TRAM2: variants seen among roughly 807,000 people sequenced by gnomAD.
TRAM2 encodes the protein translocating chain-associated membrane protein 2.
Under a neutral mutation model 51.0 loss-of-function variants are expected in TRAM2, and 12 were observed. The observed-to-expected ratio is 0.24, with a 90% confidence interval of 0.15 to 0.38. TRAM2 has a LOEUF of 0.38. Among genes scored for constraint, TRAM2 ranks in the 10% least tolerant of loss-of-function variants. The probability of loss-of-function intolerance (pLI) is 1.00; values close to 1 mark genes in which losing one functional copy is unlikely to be tolerated. For missense variants in TRAM2, 361 were observed against 462.0 expected, an observed-to-expected ratio of 0.78 and a Z score of 2.00; for synonymous variants, 175 against 179.4, an observed-to-expected ratio of 0.98 and a Z score of 0.20.
intron 2 of TRAM2, among the ~76,000 whole-genome samples, chr6:52,531,113 G>A (rs1766882353): frequency 1.1e-5 from 1 of 92,084 alleles, no homozygotes; most frequent in African/African-American, 3.9e-5. Flanking sequence ...AATTTACCCT[G>A]GTTATGCAAA....
intron 2 of TRAM2, among the ~76,000 whole-genome samples, chr6:52,533,948 G>A (rs183026247): frequency 1.1e-4 from 16 of 152,014 alleles, no homozygotes; most frequent in African/African-American, 3.6e-4. Flanking sequence ...AAAATTAGCC[G>A]GGCGTGGTGG....
intron 2 of TRAM2, chr6:52,522,916 T>C (rs1281825590): frequency 4.3e-6 from 3 of 702,434 alleles, no homozygotes; most frequent in Non-Finnish European, 7.8e-6. Flanking sequence ...TGCCTGCCTT[T>C]ACATTTCCCA....
Position 52,576,816 on chromosome 6 carries a change from G to A in TRAM2, c.100C>T (p.Leu34Phe), listed in dbSNP as rs370828858. 1 of 1,613,586 alleles carries A rather than the reference G, an allele frequency of 6.2e-7. No individual in the cohort carries two copies. Among genetic ancestry groups the A allele is most frequent in the Non-Finnish European group, 8.5e-7 (1 of 1,179,774 alleles). ...DIGFCLVLCV[L>F]IGLMFEVTAK... The stretch of plus-strand genomic sequence containing the variant: ...CTCACCTCGAACATAAGCCCGATGA[G>A]GACGCAGAGCACCAGGCAGAAGCCG... Residue 34 changes from leucine (L) to phenylalanine (F), a missense_variant, in exon 1 of 11, where the codon CTC (leucine) becomes TTC (phenylalanine). Coordinates refer to ENST00000182527, the MANE Select transcript of TRAM2 (RefSeq NM_012288.4).
rs114260109 is a variant in TRAM2 at position 52,512,513 on chromosome 6, C to T, written c.412-2927G>A. ...CTGAGGCTGGGGCACCCTCTGAGCT[C>T]AGGCACGCAAAGCACCTGAGTCCAC... On this transcript the variant is annotated intron_variant, in intron 4 of 10. Coordinates refer to ENST00000182527, the MANE Select transcript of TRAM2 (RefSeq NM_012288.4). Among the ~76,000 whole-genome samples the T allele has an allele frequency of 4.3e-3, 659 of 152,284 alleles. 6 individuals carry two copies. Among genetic ancestry groups the T allele is most frequent in the African/African-American group, 0.015 (623 of 41,560 alleles).
At position 52,576,991 on chromosome 6, in the gene TRAM2, G is replaced by T. The variant is rs1010063014; in HGVS notation, c.-76C>A. The stretch of plus-strand genomic sequence containing the variant: ...CGCAGCGCAAACTTCTCCAGCACCG[G>T]CCCGGTCCGCCCGCCGGCCCGCCGC... On this transcript the variant is annotated 5_prime_UTR_variant, in exon 1 of 11. Transcript: ENST00000182527. 6.0e-6 allele frequency: 8 copies of T among 1,333,652 alleles called. No homozygotes were observed. In the Admixed American group the frequency reaches 1.2e-4, roughly 20 times the overall value. 82.6% of individuals were successfully genotyped at this position (1,333,652 alleles called of 1,614,324 possible).
At chr6:52,518,169 A>G (rs1340401360) in intron 2 of TRAM2, among the ~76,000 whole-genome samples, 1 of 152,112 alleles carries the variant, frequency 6.6e-6, no homozygotes, top group East Asian at 1.9e-4. Flanking sequence ...CGAGGGCCCC[A>G]CTCTGGCTAG....
At chr6:52,519,749 T>C (rs1029005179) in intron 2 of TRAM2, among the ~76,000 whole-genome samples, 1 of 151,670 alleles carries the variant, frequency 6.6e-6, no homozygotes, top group Non-Finnish European at 1.5e-5. Context: ...CAGGTGTCCA[T>C]GGATTGATGA....
chr6:52,564,455 T>G (rs749487816), intron 1 of TRAM2, among the ~76,000 whole-genome samples: 3 of 152,080 alleles, frequency 2.0e-5, no homozygotes, highest in Non-Finnish European at 1.5e-5. Context: ...CAGAGACACT[T>G]GCCATATTCC....
At chr6:52,519,955 G>A (rs2114073763) in intron 2 of TRAM2, among the ~76,000 whole-genome samples, 1 of 152,330 alleles carries the variant, frequency 6.6e-6, no homozygotes, top group African/African-American at 2.4e-5. Context: ...GTCAAATTCA[G>A]AGACAGAAAG....
At chr6:52,540,268 C>G (rs1767054550) in intron 1 of TRAM2, among the ~76,000 whole-genome samples, 1 of 151,420 alleles carries the variant, frequency 6.6e-6, no homozygotes, top group South Asian at 2.1e-4. Flanking sequence ...TTTTAAAAAC[C>G]TTGTCCCAAA....
intron 9 of TRAM2, 130 bp from the exon 10 acceptor site, chr6:52,504,884 G>T: frequency 1.3e-6 from 1 of 753,910 alleles, no homozygotes; most frequent in Non-Finnish European, 2.1e-6. Context: ...TTCACCACTG[G>T]CCCTCTTCGA....
chr6:52,505,246 C>T (rs1204530854), intron 9 of TRAM2, among the ~76,000 whole-genome samples: 2 of 152,202 alleles, frequency 1.3e-5, no homozygotes, highest in East Asian at 3.8e-4. Flanking sequence ...CACAGGAGGC[C>T]ACTGGCCAAG....
chr6:52,572,368 C>T (rs1252569052), intron 1 of TRAM2, among the ~76,000 whole-genome samples: 1 of 152,210 alleles, frequency 6.6e-6, no homozygotes, highest in African/African-American at 2.4e-5. Context: ...CTTTGGGAGG[C>T]CAAGGTGGGC....
chr6:52,571,128 G>C (rs1018773085), intron 1 of TRAM2, among the ~76,000 whole-genome samples: 3 of 152,078 alleles, frequency 2.0e-5, no homozygotes, highest in Non-Finnish European at 4.4e-5. Flanking sequence ...CACAGAGCTG[G>C]ATAAAAAGGT....
chr6:52,531,647 G>A (rs1053988545), intron 2 of TRAM2, among the ~76,000 whole-genome samples: 1 of 152,130 alleles, frequency 6.6e-6, no homozygotes, highest in Non-Finnish European at 1.5e-5. Context: ...TCACTTGAGG[G>A]CTTTTGCACA....
intron 1 of TRAM2, among the ~76,000 whole-genome samples, chr6:52,541,803 G>GTTTTTTTTTTTTTTTTTTTTTTTTTTTTT (rs56919932): frequency 2.9e-5 from 4 of 138,700 alleles, no homozygotes; most frequent in Admixed American, 7.1e-5. Flanking sequence ...AGTTTATTCT[G>GTTTTTTTTTTTTTTTTTTTTTTTTTTTTT]TTTTTTTTTT....
intron 2 of TRAM2, among the ~76,000 whole-genome samples, chr6:52,522,473 C>G (rs899314433): frequency 6.6e-6 from 1 of 152,268 alleles, no homozygotes; most frequent in Non-Finnish European, 1.5e-5. Flanking sequence ...CAACACCAGA[C>G]TGGCCAAAGA....
At chr6:52,536,292 C>T (rs1366253025) in intron 1 of TRAM2, among the ~76,000 whole-genome samples, 1 of 152,196 alleles carries the variant, frequency 6.6e-6, no homozygotes, top group Non-Finnish European at 1.5e-5. Context: ...GGAGAGCAGC[C>T]CTGAAAGTCG....
chr6:52,505,296 G>A lies in TRAM2; in HGVS notation c.875+303C>T, dbSNP rs561778417. Among the ~76,000 whole-genome samples the A allele has an allele frequency of 3.9e-5, 6 of 152,326 alleles. No homozygotes were observed. In the South Asian group the frequency reaches 1.0e-3, roughly 26 times the overall value. ...GTTTTAAAGCACCCACACACAAGAA[G>A]AGGAGAATGATATCAACTGAGAGAC... On this transcript the variant is annotated intron_variant, in intron 9 of 10. Transcript: ENST00000182527.
Sources: allele counts gnomAD v4.1 joint callset (sites outside exome capture counted in the v4.1 genomes callset), GRCh38; gene constraint gnomAD v4.1.1; transcripts MANE v1.5; gene names NCBI Gene and HGNC (gene_info 2026-07-23, HGNC 2026-07-21).